DNAJC7: variants seen among roughly 807,000 people sequenced by gnomAD.
DNAJC7 encodes the protein DnaJ heat shock protein family (Hsp40) member C7, also known as dnaJ homolog subfamily C member 7.
Under a neutral mutation model 67.4 loss-of-function variants are expected in DNAJC7, and 18 were observed. The observed-to-expected ratio is 0.27, with a 90% CI of 0.18 to 0.40. The LOEUF is 0.40. DNAJC7 is among the 10% of genes least tolerant of loss of function. DNAJC7 has a pLI of 1.00. For missense variants in DNAJC7, 419 were observed against 613.8 expected (o/e 0.68, Z 3.35); for synonymous variants, 220 against 207.8 (o/e 1.06, Z -0.50).
chr17:41,990,835 T>G (rs2051495285), intron 5 of DNAJC7, among the ~76,000 whole-genome samples: 1 of 151,374 alleles, frequency 6.6e-6, no homozygotes, highest in African/African-American at 2.4e-5. Flanking sequence ...CCCAAGCTAA[T>G]TTTTTTTTGT....
intron 10 of DNAJC7, among the ~76,000 whole-genome samples, chr17:41,983,131 G>GT (rs2051293168): frequency 6.6e-6 from 1 of 150,576 alleles, no homozygotes; most frequent in Non-Finnish European, 1.5e-5. Context: ...TCTTTTTTTT[G>GT]TTTTTGTTTT....
At chr17:41,982,954 C>T (rs1326437840) in intron 10 of DNAJC7, among the ~76,000 whole-genome samples, 2 of 146,106 alleles carry the variant, frequency 1.4e-5, no homozygotes, top group African/African-American at 5.0e-5. Flanking sequence ...AGCAGGACTC[C>T]ATCTTAAAAA....
At chr17:42,010,490 C>T (rs1486879225) in intron 1 of DNAJC7, among the ~76,000 whole-genome samples, 1 of 152,040 alleles carries the variant, frequency 6.6e-6, no homozygotes, top group South Asian at 2.1e-4. Flanking sequence ...GAAACTCTGT[C>T]TCAAAAATAT....
chr17:41,983,781 G>C (rs1208270154), intron 9 of DNAJC7, 145 bp from the exon 10 acceptor site: 15 of 612,790 alleles, frequency 2.4e-5, no homozygotes, highest in East Asian at 3.0e-5. Context: ...TAATCTAGCA[G>C]TGAGAGAAAA....
At chr17:42,000,914 C>T (rs1167713358) in intron 1 of DNAJC7, 1 of 170,482 alleles carries the variant, frequency 5.9e-6, no homozygotes, top group Non-Finnish European at 1.2e-5. Flanking sequence ...TTTTCTATCT[C>T]CTTCCACAGT....
chr17:42,002,803 T>C (rs1555649637), intron 1 of DNAJC7, among the ~76,000 whole-genome samples: 4 of 152,180 alleles, frequency 2.6e-5, no homozygotes, highest in African/African-American at 7.2e-5. Flanking sequence ...ATGTAAGACA[T>C]GGACAATACA....
intron 1 of DNAJC7, chr17:42,015,229 C>T (rs2052235017): frequency 1.3e-5 from 2 of 152,148 alleles, no homozygotes; most frequent in African/African-American, 4.8e-5. Flanking sequence ...ACCCACCTGC[C>T]TCGGCCTCCC....
At chr17:41,983,287 C>T (rs929436475) in intron 10 of DNAJC7, among the ~76,000 whole-genome samples, 13 of 152,070 alleles carry the variant, frequency 8.5e-5, no homozygotes, top group Admixed American at 7.9e-4. Flanking sequence ...ACCATACCCA[C>T]AATTTTTTGT....
At chr17:41,983,185 C>T (rs1009428894) in intron 10 of DNAJC7, among the ~76,000 whole-genome samples, 14 of 152,032 alleles carry the variant, frequency 9.2e-5, no homozygotes, top group East Asian at 1.9e-4. Context: ...AGTATAGTCG[C>T]GCAATCTTAG....
At chr17:42,008,475 T>C (rs2143329489) in intron 1 of DNAJC7, among the ~76,000 whole-genome samples, 1 of 151,474 alleles carries the variant, frequency 6.6e-6, no homozygotes, top group East Asian at 2.0e-4. Flanking sequence ...AGTGGCGCCA[T>C]CTCGGCTCAT....
rs1173762437 is a variant in DNAJC7, at chr17:41,994,507, G to GA, written c.480+362dup. Among the ~76,000 whole-genome samples the GA allele has an allele frequency of 7.8e-5, 10 of 128,370 alleles. No homozygotes were observed. In the East Asian group the frequency reaches 2.1e-3, roughly 28 times the overall value. 84.2% of individuals were successfully genotyped at this position (128,370 alleles called of 152,430 possible). A position where few individuals can be genotyped will look rare whatever the true frequency, so the allele number is the denominator to read the frequency against. On this transcript the variant is annotated intron_variant, in intron 5 of 13. Coordinates refer to ENST00000457167, the MANE Select transcript of DNAJC7 (RefSeq NM_003315.4). ...TGTGCTCCAGCCTGGGTGACAGAGT[G>GA]AGACTAGGCCTCAAAAAAAAAAAAA...
At chr17:41,997,070 C>T in intron 3 of DNAJC7, 45 bp downstream of exon 3, 1 of 1,612,276 alleles carries the variant, frequency 6.2e-7, no homozygotes, top group Non-Finnish European at 8.5e-7. Context: ...AGAAACTCAA[C>T]TGTAGCAACC....
chr17:42,007,477 T>A (rs1407886864), intron 1 of DNAJC7, among the ~76,000 whole-genome samples: 1 of 152,178 alleles, frequency 6.6e-6, no homozygotes, highest in Non-Finnish European at 1.5e-5. Context: ...GAGCCTAACT[T>A]CTATTCCATC....
At chr17:42,007,048 G>A (rs1268166890) in intron 1 of DNAJC7, among the ~76,000 whole-genome samples, 1 of 150,788 alleles carries the variant, frequency 6.6e-6, no homozygotes, top group Admixed American at 6.6e-5. Flanking sequence ...CTTGCGGTGA[G>A]CTGACATCGC....
intron 2 of DNAJC7, among the ~76,000 whole-genome samples, 175 bp from the exon 3 acceptor site, chr17:41,997,414 C>A (rs1332623104): frequency 6.6e-6 from 1 of 151,036 alleles, no homozygotes; most frequent in Non-Finnish European, 1.5e-5. Context: ...ATGGCACAAC[C>A]CCATCTCTAC....
chr17:42,006,817 A>AAAAAAAAAAAC, intron 1 of DNAJC7, among the ~76,000 whole-genome samples: 1 of 122,816 alleles, frequency 8.1e-6, no homozygotes, highest in Non-Finnish European at 1.7e-5. Context: ...AAAAAAAAAA[A>AAAAAAAAAAAC]AGTCCAGGCA....
intron 5 of DNAJC7, 68 bp from the exon 6 acceptor site, chr17:41,990,450 A>T (rs2051485705): frequency 7.3e-7 from 1 of 1,370,366 alleles, no homozygotes; most frequent in African/African-American, 1.4e-5. Context: ...ACTTTAGTTT[A>T]GTCACAGGTA....
At chr17:41,994,011 C>CCAG (rs2051584881) in intron 5 of DNAJC7, among the ~76,000 whole-genome samples, 1 of 146,458 alleles carries the variant, frequency 6.8e-6, no homozygotes, top group South Asian at 2.2e-4. Context: ...CCACTGCACT[C>CCAG]CAGCCTGGGC....
chr17:41,981,657 T>G (rs2051255653), intron 12 of DNAJC7, 198 bp downstream of exon 12: 1 of 658,458 alleles, frequency 1.5e-6, no homozygotes, highest in African/African-American at 1.8e-5. Context: ...CTTCCCTTGC[T>G]AGTGCTCGCC....
Sources: allele counts gnomAD v4.1 joint callset (sites outside exome capture counted in the v4.1 genomes callset), GRCh38; gene constraint gnomAD v4.1.1; transcripts MANE v1.5; gene names NCBI Gene and HGNC (gene_info 2026-07-23, HGNC 2026-07-21).